The following PAQR5 variants were observed in gnomAD, a reference collection of about 807,000 sequenced individuals.
PAQR5 encodes the protein progestin and adipoQ receptor family member 5.
In PAQR5, 20 loss-of-function variants were observed where a neutral mutation model predicts 34.5. That is an observed-to-expected ratio of 0.58 (90% CI 0.41 to 0.84). The LOEUF is 0.84. Among genes scored for constraint, PAQR5 ranks in the 40% least tolerant of loss-of-function variants. The pLI is 0.00. For missense variants in PAQR5, 378 were observed against 412.7 expected (o/e 0.92, Z 0.73); for synonymous variants, 131 against 155.6 (o/e 0.84, Z 1.18).
At chr15:69,324,864 A>G (rs555595602) in intron 1 of PAQR5, among the ~76,000 whole-genome samples, 14 of 144,978 alleles carry the variant, frequency 9.7e-5, no homozygotes, top group Admixed American at 2.8e-4. Flanking sequence ...TGGCACTCCT[A>G]TTGACTCTTC....
chr15:69,340,471 G>T (rs994067401), intron 2 of PAQR5, among the ~76,000 whole-genome samples: 2 of 152,132 alleles, frequency 1.3e-5, no homozygotes, highest in Admixed American at 1.3e-4. Flanking sequence ...CATAATCATG[G>T]CTTTAATGAA....
chr15:69,381,881 T>C (rs192291199), intron 4 of PAQR5, among the ~76,000 whole-genome samples: 188 of 152,220 alleles, frequency 1.2e-3, no homozygotes, highest in African/African-American at 4.1e-3. Flanking sequence ...ATGAAAAGCT[T>C]TGTAGAGTCT....
chr15:69,378,348 G>A (rs1259899741), intron 3 of PAQR5, among the ~76,000 whole-genome samples: 1 of 147,052 alleles, frequency 6.8e-6, no homozygotes, highest in African/African-American at 2.5e-5. Flanking sequence ...TGAGGTGGGA[G>A]GATCATTTGA....
At chr15:69,340,178 C>CT (rs1166445517) in intron 2 of PAQR5, among the ~76,000 whole-genome samples, 2 of 151,978 alleles carry the variant, frequency 1.3e-5, no homozygotes, top group Non-Finnish European at 2.9e-5. Flanking sequence ...ACATTAACAC[C>CT]TTTTTTTCAA....
intron 1 of PAQR5, among the ~76,000 whole-genome samples, chr15:69,329,412 A>C (rs1221065143): frequency 6.6e-6 from 1 of 151,356 alleles, no homozygotes; most frequent in Non-Finnish European, 1.5e-5. Context: ...CAATCACTGA[A>C]CTAGATGGTA....
rs1360531654 is a variant in PAQR5, at chr15:69,322,811, GGAAGAA to G, written c.-276-14509_-276-14504del. Among the ~76,000 whole-genome samples, 26 of 25,368 alleles carry G rather than the reference GGAAGAA, an allele frequency of 1.0e-3. 7 individuals carry two copies. Among genetic ancestry groups the G allele is most frequent in the African/African-American group, 2.3e-3 (25 of 10,836 alleles). The allele number at this position is 25,368 out of a possible 152,430, so 16.6% of individuals were successfully genotyped here. A position where few individuals can be genotyped will look rare whatever the true frequency, so the allele number is the denominator to read the frequency against. On this transcript the variant is annotated intron_variant, in intron 1 of 8. Transcript: ENST00000395407. ...ACGAGGAAGAAGAAGAAGAGGAAGA[GGAAGAA>G]GAAGAAGAAGAAGAAGAAGAGGAAG...
At chr15:69,299,433 C>T (rs1337495866) in intron 1 of PAQR5, among the ~76,000 whole-genome samples, 6 of 149,162 alleles carry the variant, frequency 4.0e-5, no homozygotes, top group Admixed American at 3.3e-4. Context: ...TTTAATAAAA[C>T]CCTTGGATTG....
chr15:69,313,673 A>G (rs2053878369), intron 1 of PAQR5, among the ~76,000 whole-genome samples: 1 of 152,160 alleles, frequency 6.6e-6, no homozygotes, highest in African/African-American at 2.4e-5. Flanking sequence ...GGGAGGCCCC[A>G]TTTCCGGCAC....
At chr15:69,362,699 C>T (rs1050573426) in intron 3 of PAQR5, among the ~76,000 whole-genome samples, 3 of 152,136 alleles carry the variant, frequency 2.0e-5, no homozygotes, top group Non-Finnish European at 2.9e-5. Flanking sequence ...GTGCCTGGCA[C>T]GTGGTGAACA....
chr15:69,374,836 A>C (rs1206652372), intron 3 of PAQR5, among the ~76,000 whole-genome samples: 2 of 152,096 alleles, frequency 1.3e-5, no homozygotes, highest in Non-Finnish European at 2.9e-5. Flanking sequence ...TCTTACATAC[A>C]AGGAACTTCC....
Position 69,400,071 on chromosome 15 carries a change from C to A in PAQR5, c.707C>A (p.Ala236Glu). ...CTCCTGGCCTCTTTCTTGTACTCTG[C>A]ACATCTGCCAGAACGCCTAGCCCCT... ...MTLLASFLYS[A>E]HLPERLAPGR... Residue 236 changes from alanine to glutamate, a missense_variant, in exon 8 of 9, where the codon GCA (alanine) becomes GAA (glutamate). By Grantham distance (107) the Ala-to-Glu change is moderately radical. Transcript: ENST00000395407. The A allele has an allele frequency of 6.2e-7, 1 of 1,614,194 alleles. No homozygotes were observed. The highest frequency in any genetic ancestry group is 8.5e-7 in the Non-Finnish European group (1 of 1,180,002).
Position 69,405,736 on chromosome 15 carries a change from G to A in PAQR5, c.*1914G>A, listed in dbSNP as rs1443480745. 1 of 152,156 alleles carries A rather than the reference G, an allele frequency of 6.6e-6. No individual in the cohort carries two copies. Among genetic ancestry groups the A allele is most frequent in the Non-Finnish European group, 1.5e-5 (1 of 68,038 alleles). The allele number at this position is 152,156 out of a possible 1,614,324, so 9.4% of individuals were successfully genotyped here. A position where few individuals can be genotyped will look rare whatever the true frequency, so the allele number is the denominator to read the frequency against. On this transcript the variant is annotated 3_prime_UTR_variant, in exon 9 of 9. Coordinates refer to ENST00000395407, the MANE Select transcript of PAQR5 (RefSeq NM_017705.4). ...TTAGCTCAGTAAGTACTGAAATAAT[G>A]AGTGACCAATTTGAAGGATTTTTAG... is the stretch of plus-strand genomic sequence containing the variant.
chr15:69,336,139 T>C (rs1485727753), intron 1 of PAQR5, among the ~76,000 whole-genome samples: 1 of 152,196 alleles, frequency 6.6e-6, no homozygotes, highest in East Asian at 1.9e-4. Flanking sequence ...AGGCTTTCTT[T>C]TTTAAAAAAA....
chr15:69,306,780 A>G (rs913371348), intron 1 of PAQR5, among the ~76,000 whole-genome samples: 2 of 151,998 alleles, frequency 1.3e-5, no homozygotes, highest in African/African-American at 4.8e-5. Flanking sequence ...ACCACCATCC[A>G]TCTCCATACC....
At chr15:69,365,959 A>G (rs1423796748) in intron 3 of PAQR5, among the ~76,000 whole-genome samples, 1 of 152,208 alleles carries the variant, frequency 6.6e-6, no homozygotes, top group East Asian at 1.9e-4. Flanking sequence ...TTGAGACACA[A>G]TTCACATATT....
At chr15:69,321,193 G>A (rs1024782733) in intron 1 of PAQR5, among the ~76,000 whole-genome samples, 2 of 152,218 alleles carry the variant, frequency 1.3e-5, no homozygotes, top group African/African-American at 4.8e-5. Context: ...ACAGAGTTTT[G>A]CTTTGTCTAT....
At chr15:69,380,716 C>G (rs926820646) in intron 4 of PAQR5, among the ~76,000 whole-genome samples, 34 of 152,226 alleles carry the variant, frequency 2.2e-4, no homozygotes, top group African/African-American at 8.2e-4. Flanking sequence ...AGGGTCAAAG[C>G]ACCAAATCAC....
intron 3 of PAQR5, among the ~76,000 whole-genome samples, chr15:69,378,714 T>G (rs1187364897): frequency 2.0e-5 from 3 of 152,174 alleles, no homozygotes; most frequent in Non-Finnish European, 4.4e-5. Flanking sequence ...AATTTACGTT[T>G]CAAAGGGTAT....
chr15:69,321,874 G>T (rs1368426454), intron 1 of PAQR5, among the ~76,000 whole-genome samples: 1 of 152,142 alleles, frequency 6.6e-6, no homozygotes, highest in Non-Finnish European at 1.5e-5. Flanking sequence ...CAATGACCAA[G>T]ACAAGCTGGG....
Sources: gnomAD v4.1 joint callset for allele counts (sites outside exome capture counted in the v4.1 genomes callset) on GRCh38, gnomAD v4.1.1 for gene constraint, MANE v1.5 for transcripts, NCBI Gene and HGNC (gene_info 2026-07-23, HGNC 2026-07-21) for gene names.